Variants in SLC25A48 observed in about 807,000 individuals in gnomAD.
SLC25A48 encodes the protein CTC-321K16.1.
Under a neutral mutation model 32.2 loss-of-function variants are expected in SLC25A48, and 29 were observed. The ratio of observed to expected loss-of-function variants is 0.90; its 90% confidence interval spans 0.67 to 1.23. The LOEUF (loss-of-function observed/expected upper bound fraction) is 1.23, where lower values mean the gene tolerates loss of function less well. Ranked by LOEUF, SLC25A48 falls within the 50% of genes most tolerant of loss-of-function variation. The pLI is 0.00. For missense variants in SLC25A48, 399 were observed against 422.7 expected, an observed-to-expected ratio of 0.94 and a Z score of 0.49; for synonymous variants, 164 against 172.3, an observed-to-expected ratio of 0.95 and a Z score of 0.38.
chr5:135,586,442 G>T (rs781646226), intron 1 of SLC25A48, among the ~76,000 whole-genome samples: 12 of 152,210 alleles, frequency 7.9e-5, no homozygotes, highest in Non-Finnish European at 1.6e-4. Flanking sequence ...TTAACTTGTG[G>T]CCTGTATTTT....
intron 4 of SLC25A48, among the ~76,000 whole-genome samples, chr5:135,860,179 C>G (rs1760669026): frequency 6.6e-6 from 1 of 152,216 alleles, no homozygotes; most frequent in African/African-American, 2.4e-5. Context: ...AGGTTGCCCC[C>G]ACTGCCATAA....
intron 1 of SLC25A48, among the ~76,000 whole-genome samples, chr5:135,614,904 TA>T (rs1752151702): frequency 1.3e-5 from 2 of 152,172 alleles, no homozygotes; most frequent in Admixed American, 6.5e-5. Context: ...TCTGGTTGTT[TA>T]AAAGTGTGTA....
At chr5:135,831,334 G>C (rs2126670635), upstream of SLC25A48, among the ~76,000 whole-genome samples, 1 of 152,370 alleles carries the variant, frequency 6.6e-6, no homozygotes, top group African/African-American at 2.4e-5. Flanking sequence ...AGCGGACTAA[G>C]CAGTGACTGA....
chr5:135,850,167 T>C (rs1176117289), intron 2 of SLC25A48, among the ~76,000 whole-genome samples: 2 of 152,170 alleles, frequency 1.3e-5, no homozygotes, highest in African/African-American at 4.8e-5. Context: ...GTGGGGATCA[T>C]ACAATCATTC....
At chr5:135,719,045 A>G (rs1754884403) in intron 3 of SLC25A48, among the ~76,000 whole-genome samples, 1 of 152,230 alleles carries the variant, frequency 6.6e-6, no homozygotes, top group African/African-American at 2.4e-5. Context: ...ATTTTATACC[A>G]TAGTTTTACA....
At chr5:135,753,412 A>G (rs1755817896) in intron 3 of SLC25A48, among the ~76,000 whole-genome samples, 1 of 152,022 alleles carries the variant, frequency 6.6e-6, no homozygotes, top group South Asian at 2.1e-4. Flanking sequence ...GCGCAAACCC[A>G]TGGTGTTATT....
At chr5:135,768,973 G>A (rs565941055) in intron 3 of SLC25A48, among the ~76,000 whole-genome samples, 2 of 151,822 alleles carry the variant, frequency 1.3e-5, no homozygotes, top group East Asian at 1.9e-4. Flanking sequence ...TAGGGGGAGA[G>A]GATGATGCTA....
At chr5:135,834,615 C>T, upstream of SLC25A48, 2 of 542,960 alleles carry the variant, frequency 3.7e-6, no homozygotes. Flanking sequence ...ACCCAGAGTG[C>T]TGTGCCTTTA....
chr5:135,657,962 G>A (rs1181566921), intron 3 of SLC25A48, among the ~76,000 whole-genome samples: 1 of 152,114 alleles, frequency 6.6e-6, no homozygotes, highest in Non-Finnish European at 1.5e-5. Flanking sequence ...CCCCAACATT[G>A]GGAATTATAA....
At chr5:135,718,435 C>G (rs1221833410) in intron 3 of SLC25A48, among the ~76,000 whole-genome samples, 2 of 152,164 alleles carry the variant, frequency 1.3e-5, no homozygotes, top group African/African-American at 4.8e-5. Flanking sequence ...AAGAATCTCT[C>G]TCTTTGAGGA....
Position 135,810,105 on chromosome 5 carries a change from T to C in SLC25A48, c.-520-2418T>C, listed in dbSNP as rs543267494. On this transcript the variant is annotated intron_variant, in intron 3 of 10. Transcript: ENST00000646290. The stretch of plus-strand genomic sequence containing the variant: ...CTCGAGTCGCAGCCTCCCAAAGTGC[T>C]GAGATTACAGTTATGAGCCACTGTG... 4.6e-3 allele frequency among the ~76,000 whole-genome samples: 694 copies of C among 152,276 alleles called. 4 individuals carry two copies. Among genetic ancestry groups the C allele is most frequent in the African/African-American group, 0.015 (635 of 41,560 alleles).
intron 3 of SLC25A48, among the ~76,000 whole-genome samples, chr5:135,657,404 G>A (rs1164268525): frequency 6.6e-6 from 1 of 152,238 alleles, no homozygotes; most frequent in Non-Finnish European, 1.5e-5. Context: ...TCAAATGTTT[G>A]TGAAATGCAA....
At chr5:135,822,872 G>T (rs567490138) in intron 4 of SLC25A48, among the ~76,000 whole-genome samples, 8 of 152,206 alleles carry the variant, frequency 5.3e-5, no homozygotes, top group African/African-American at 1.9e-4. Flanking sequence ...GCTTCCTAAG[G>T]ATTACCTGAG....
intron 3 of SLC25A48, among the ~76,000 whole-genome samples, chr5:135,642,423 C>G (rs1752861800): frequency 6.6e-6 from 1 of 152,220 alleles, no homozygotes; most frequent in Non-Finnish European, 1.5e-5. Context: ...TCAGGGACAG[C>G]CCCTGCCTGG....
Position 135,880,026 on chromosome 5 carries a change from T to A in SLC25A48, c.872T>A (p.Met291Lys). Residue 291 changes from methionine to lysine, a missense_variant, in exon 7 of 8, where the codon ATG (methionine) becomes AAG (lysine). Transcript: ENST00000681962. ...CGGGGCTTCCCCATGAGTGCGGCCA[T>A]GTTCCTTGGGTACGAGCTGTCGCTG... ...AVRGFPMSAA[M>K]FLGYELSLQA... is the part of the protein sequence containing the mutation. The A allele has an allele frequency of 1.3e-6, 2 of 1,536,346 alleles. No homozygotes were observed. Among genetic ancestry groups the A allele is most frequent in the Non-Finnish European group, 1.7e-6 (2 of 1,146,952 alleles).
chr5:135,645,812 T>C (rs1752945121), intron 3 of SLC25A48, among the ~76,000 whole-genome samples: 1 of 152,204 alleles, frequency 6.6e-6, no homozygotes, highest in African/African-American at 2.4e-5. Flanking sequence ...TAATCTGCTC[T>C]CTGCCTGTGT....
chr5:135,845,301 C>G (rs1481723718), intron 2 of SLC25A48, among the ~76,000 whole-genome samples: 1 of 152,244 alleles, frequency 6.6e-6, no homozygotes, highest in Non-Finnish European at 1.5e-5. Context: ...CCTAAGGACA[C>G]TAGCCATTGG....
At chr5:135,763,754 AAC>A (rs747888245) in intron 3 of SLC25A48, among the ~76,000 whole-genome samples, 1 of 145,898 alleles carries the variant, frequency 6.9e-6, no homozygotes, top group Admixed American at 6.8e-5. Context: ...GAGAAATAGG[AAC>A]ACACACATAC....
chr5:135,775,480 C>T (rs1490953455), intron 3 of SLC25A48, among the ~76,000 whole-genome samples: 1 of 151,238 alleles, frequency 6.6e-6, no homozygotes. Flanking sequence ...CCCCCCTGTG[C>T]TATTGTTTTT....
Sources: gnomAD v4.1 joint callset for allele counts (sites outside exome capture counted in the v4.1 genomes callset) on GRCh38, gnomAD v4.1.1 for gene constraint, MANE v1.5 for transcripts, NCBI Gene and HGNC (gene_info 2026-07-23, HGNC 2026-07-21) for gene names.